The following CCDC73 variants were observed in gnomAD, a reference collection of about 807,000 sequenced individuals.
CCDC73 encodes the protein coiled-coil domain containing 73, also known as coiled-coil domain-containing protein 73.
A neutral mutation model predicts 116.5 loss-of-function variants in CCDC73; 95 were observed. The ratio of observed to expected loss-of-function variants is 0.82; its 90% CI spans 0.69 to 0.97. CCDC73 has a LOEUF of 0.97. CCDC73 is among the 50% of genes least tolerant of loss of function. The pLI is 0.00. For missense variants in CCDC73, 1,066 were observed against 1,206.8 expected (o/e 0.88, Z 1.73); for synonymous variants, 398 against 401.3 (o/e 0.99, Z 0.10).
At chr11:32,793,604 T>G (rs1850695462) in intron 1 of CCDC73, among the ~76,000 whole-genome samples, 1 of 96,850 alleles carries the variant, frequency 1.0e-5, no homozygotes, top group South Asian at 4.1e-4. Context: ...ACATGAATAA[T>G]TTATTTTATT....
intron 13 of CCDC73, among the ~76,000 whole-genome samples, chr11:32,640,744 G>A (rs540159796): frequency 1.4e-4 from 22 of 152,286 alleles, no homozygotes; most frequent in Non-Finnish European, 3.2e-4. Context: ...CCGGCTGGGC[G>A]ATGTGGCTCA....
chr11:32,611,131 C>A lies in CCDC73; in HGVS notation c.3030+1G>T. 1 of 1,613,684 alleles carries A rather than the reference C, an allele frequency of 6.2e-7. No homozygotes were observed. The highest frequency in any genetic ancestry group is 2.2e-5 in the East Asian group (1 of 44,838). ...CTCGGCAATATTTTTAATTGACTTA[C>A]ATGTTCTGTGGGAAAAGAGGAATCA... On this transcript the variant is annotated splice_donor_variant, in intron 17 of 17. Coordinates refer to ENST00000335185, the MANE Select transcript of CCDC73 (RefSeq NM_001008391.4). LOFTEE classifies it high-confidence loss of function.
At chr11:32,745,484 A>C (rs1377396532) in intron 2 of CCDC73, among the ~76,000 whole-genome samples, 2 of 150,788 alleles carry the variant, frequency 1.3e-5, no homozygotes, top group Non-Finnish European at 3.0e-5. Flanking sequence ...TCGTTGATCT[A>C]ATATTGACAT....
chr11:32,737,382 G>A (rs2202928), intron 2 of CCDC73, among the ~76,000 whole-genome samples: 86,025 of 151,572 alleles, frequency 0.57, 24,840 homozygotes, highest in East Asian at 0.84. Context: ...TTGGGAGGCC[G>A]AGGTGGGCAG....
In CCDC73 at chr11:32,760,135, C is replaced by T. The variant is rs1369233068; in HGVS notation, c.109G>A (p.Ala37Thr). 1.2e-6 allele frequency: 2 copies of T among 1,603,470 alleles called. No individual in the cohort carries two copies. The highest frequency in any genetic ancestry group is 1.7e-5 in the Admixed American group (1 of 57,410). Residue 37 changes from alanine to threonine, a missense_variant, in exon 2 of 18, where the codon GCA becomes ACA. Physicochemically the swap from Ala to Thr is moderately conservative, Grantham distance 58. Transcript: ENST00000335185. ...LLDFKTSLLE[A>T]LEELRMRREA... The stretch of plus-strand genomic sequence containing the variant: ...CTTCTCATACGCAATTCTTCTAATG[C>T]CTCCAGTAAACTTGTTTTGAAATCT...
At chr11:32,730,003 CT>C (rs1260008555) in intron 2 of CCDC73, among the ~76,000 whole-genome samples, 1 of 152,194 alleles carries the variant, frequency 6.6e-6, no homozygotes, top group Non-Finnish European at 1.5e-5. Context: ...AGTTAAGTCA[CT>C]TCTTTTCCCC....
At chr11:32,719,335 A>C (rs1849970954) in intron 2 of CCDC73, among the ~76,000 whole-genome samples, 1 of 152,214 alleles carries the variant, frequency 6.6e-6, no homozygotes, top group Non-Finnish European at 1.5e-5. Flanking sequence ...TGCAAAATCT[A>C]GGAGATTTTT....
chr11:32,647,396 G>T (rs201867), intron 12 of CCDC73, among the ~76,000 whole-genome samples: 65,702 of 151,982 alleles, frequency 0.43, 14,611 homozygotes, highest in African/African-American at 0.48. Context: ...ATCTGCCCCC[G>T]TGACGCACAC....
intron 3 of CCDC73, among the ~76,000 whole-genome samples, chr11:32,715,542 C>T (rs1448892364): frequency 2.0e-5 from 3 of 151,822 alleles, no homozygotes; most frequent in Non-Finnish European, 1.5e-5. Flanking sequence ...CACCTACATG[C>T]CATCATGACT....
chr11:32,818,708 T>C, the CCDC73 span, among the ~76,000 whole-genome samples: 1 of 151,262 alleles, frequency 6.6e-6, no homozygotes. Flanking sequence ...ATCCACACAA[T>C]GGATTATTAT....
chr11:32,645,592 T>TC (rs1445385772), intron 12 of CCDC73, among the ~76,000 whole-genome samples: 1 of 148,866 alleles, frequency 6.7e-6, no homozygotes, highest in East Asian at 1.9e-4. Context: ...CCTGGCCAAC[T>TC]TTTTTTTTTA....
chr11:32,776,925 TAAAAAA>T (rs747492382), intron 1 of CCDC73, among the ~76,000 whole-genome samples: 75,394 of 126,808 alleles, frequency 0.59, 22,060 homozygotes, highest in East Asian at 0.85. Context: ...AGAGTATGGT[TAAAAAA>T]AAAAAATATA....
At chr11:32,706,093 C>T (rs1028268584) in intron 3 of CCDC73, among the ~76,000 whole-genome samples, 1 of 151,130 alleles carries the variant, frequency 6.6e-6, no homozygotes, top group African/African-American at 2.4e-5. Context: ...TTTAGGAAAC[C>T]AGGCAGATTT....
chr11:32,709,603 G>T (rs1034760540), intron 3 of CCDC73, among the ~76,000 whole-genome samples: 6 of 152,146 alleles, frequency 3.9e-5, no homozygotes, highest in Non-Finnish European at 8.8e-5. Context: ...GCCTGCTGTT[G>T]GATTTGGATC....
At chr11:32,667,579 G>A (rs961998698) in intron 9 of CCDC73, among the ~76,000 whole-genome samples, 2 of 152,184 alleles carry the variant, frequency 1.3e-5, no homozygotes, top group Non-Finnish European at 2.9e-5. Flanking sequence ...CCTTGGCTAG[G>A]AAAGGGAATT....
rs1308715165 is a variant in CCDC73, at chr11:32,635,765, A to G, written c.1116T>C (p.His372=). The G allele has an allele frequency of 2.3e-6, 3 of 1,277,026 alleles. No individual in the cohort carries two copies. Among genetic ancestry groups the G allele is most frequent in the Middle Eastern group, 4.2e-4 (2 of 4,796 alleles). The allele number at this position is 1,277,026 out of a possible 1,614,324, so 79.1% of individuals were successfully genotyped here. ...KNELSSLKET[H]IKLQEHYNKL... ...TGTTATAATGTTCTTGTAACTTAAT[A>G]TGAGTTTCTTTAAGGGATGATAATT... The change falls in exon 14 of 18, where the codon CAT becomes CAC. Residue 372 remains histidine, a synonymous_variant. Coordinates refer to ENST00000335185, the MANE Select transcript of CCDC73 (RefSeq NM_001008391.4).
chr11:32,792,726 A>G lies in CCDC73; in HGVS notation c.-16+1887T>C, dbSNP rs143845190. ...CCTTCACAATTTGATCAAACTTGCAATAACTTTAATTTGGTTAGCATGAAG... is the reference window on the plus strand; with the variant it reads ...CCTTCACAATTTGATCAAACTTGCAGTAACTTTAATTTGGTTAGCATGAAG... On this transcript the variant is annotated intron_variant, in intron 1 of 17. Coordinates refer to ENST00000335185, the MANE Select transcript of CCDC73 (RefSeq NM_001008391.4). Among the ~76,000 whole-genome samples the G allele has an allele frequency of 8.1e-3, 1,233 of 152,322 alleles. 16 individuals are homozygous for G. Among genetic ancestry groups the G allele is most frequent in the African/African-American group, 0.027 (1,103 of 41,550 alleles).
rs1332176391 is a variant in CCDC73 at position 32,749,212 on chromosome 11, ATGTG to A, written c.135+10893_135+10896del. ...TTTGAGGCTATTTTCTCGATTTTGTATGTGTGTTTCTTTTTTCTCTGACTGTATA... is the reference window on the plus strand; with the variant it reads ...TTTGAGGCTATTTTCTCGATTTTGTATGTTTCTTTTTTCTCTGACTGTATA... On this transcript the variant is annotated intron_variant, in intron 2 of 17. Transcript: ENST00000335185. 3.3e-5 allele frequency among the ~76,000 whole-genome samples: 5 copies of A among 151,842 alleles called. No individual in the cohort carries two copies. The East Asian group carries it at 9.8e-4, about 30-fold the overall frequency.
chr11:32,636,285 T>C (rs974581291), intron 13 of CCDC73, among the ~76,000 whole-genome samples: 7 of 152,144 alleles, frequency 4.6e-5, no homozygotes, highest in African/African-American at 1.7e-4. Context: ...AACATTATAC[T>C]TCCATTGTTT....
Sources: gnomAD v4.1 joint callset for allele counts (sites outside exome capture counted in the v4.1 genomes callset) on GRCh38, gnomAD v4.1.1 for gene constraint, MANE v1.5 for transcripts, NCBI Gene and HGNC (gene_info 2026-07-23, HGNC 2026-07-21) for gene names.